GLRA3: variants seen among roughly 807,000 people sequenced by gnomAD.
GLRA3 encodes glycine receptor alpha 3.
Under a neutral mutation model 60.4 loss-of-function variants are expected in GLRA3, and 44 were observed. The observed-to-expected ratio is 0.73, with a 90% CI of 0.57 to 0.94. The LOEUF (loss-of-function observed/expected upper bound fraction) is 0.94, where lower values mean the gene tolerates loss of function less well. Among genes scored for constraint, GLRA3 ranks in the 40% least tolerant of loss-of-function variants. The probability of loss-of-function intolerance (pLI) is 0.00; values close to 1 mark genes in which losing one functional copy is unlikely to be tolerated. For missense variants in GLRA3, 508 were observed against 564.6 expected, an observed-to-expected ratio of 0.90 and a Z score of 1.02; for synonymous variants, 223 against 192.9, an observed-to-expected ratio of 1.16 and a Z score of -1.29.
At position 174,788,875 on chromosome 4, in the gene GLRA3, A is replaced by G. The variant is rs1325144807; in HGVS notation, c.140T>C (p.Leu47Pro). The G allele has an allele frequency of 6.2e-7, 1 of 1,609,372 alleles. No individual in the cohort carries two copies. The highest frequency in any genetic ancestry group is 2.2e-5 in the East Asian group (1 of 44,712). Residue 47 changes from leucine (L) to proline (P), a missense_variant, in exon 2 of 10, where the codon CTG (leucine) becomes CCG (proline). By Grantham distance (98) the Leu-to-Pro change is moderately conservative. This residue lies in a region of GLRA3 where 329 missense variants were observed against 349.3 expected (regional missense o/e 0.94). Coordinates refer to ENST00000274093, the MANE Select transcript of GLRA3 (RefSeq NM_006529.4). The stretch of plus-strand genomic sequence containing the variant: ...TGATGTCCTGCCCATTAATTTATCC[A>G]GAAAATCAGAAGGTGACATTGGAGC... ...RSAPMSPSDF[L>P]DKLMGRTSGY...
chr4:174,734,138 G>C (rs949202132), intron 3 of GLRA3, among the ~76,000 whole-genome samples: 2 of 152,012 alleles, frequency 1.3e-5, no homozygotes, highest in Non-Finnish European at 2.9e-5. Flanking sequence ...CCTAATCAGA[G>C]ATCTTGGCAA....
At chr4:174,814,160 TA>T (rs1470038175) in intron 1 of GLRA3, among the ~76,000 whole-genome samples, 6 of 152,186 alleles carry the variant, frequency 3.9e-5, no homozygotes, top group Non-Finnish European at 2.9e-5. Flanking sequence ...AACAGCTCAA[TA>T]GGGGGTCAGG....
rs187474618 is a variant in GLRA3 at position 174,693,797 on chromosome 4, C to G, written c.575-10858G>C. Among the ~76,000 whole-genome samples the G allele has an allele frequency of 4.6e-5, 7 of 152,114 alleles. No individual in the cohort carries two copies. In the East Asian group the frequency reaches 1.2e-3, roughly 25 times the overall value. ...CACTTAAAAGGCACAGAGTGGCAAG[C>G]TGGATTTAAAAAAAAGACCTAATAG... On this transcript the variant is annotated intron_variant, in intron 5 of 9. Transcript: ENST00000274093.
At chr4:174,747,567 C>T (rs188840102) in intron 3 of GLRA3, among the ~76,000 whole-genome samples, 166 of 152,208 alleles carry the variant, frequency 1.1e-3, no homozygotes, top group South Asian at 4.2e-3. Flanking sequence ...GATTCTGTGA[C>T]GGTTCCTGTC....
intron 9 of GLRA3, among the ~76,000 whole-genome samples, chr4:174,644,543 C>G (rs1030167722): frequency 6.6e-6 from 1 of 151,998 alleles, no homozygotes; most frequent in African/African-American, 2.4e-5. Flanking sequence ...GTCAATTCCT[C>G]AGAAAATACA....
intron 7 of GLRA3, among the ~76,000 whole-genome samples, chr4:174,667,906 C>G (rs1372005106): frequency 2.6e-5 from 4 of 152,088 alleles, no homozygotes; most frequent in Admixed American, 1.3e-4. Flanking sequence ...TCTGTGCCCC[C>G]ACCCAAAACT....
intron 2 of GLRA3, among the ~76,000 whole-genome samples, chr4:174,778,638 G>A (rs1561112388): frequency 6.6e-6 from 1 of 152,274 alleles, no homozygotes; most frequent in Non-Finnish European, 1.5e-5. Flanking sequence ...GCGAGCCGAA[G>A]CAGGGCGAGG....
intron 4 of GLRA3, among the ~76,000 whole-genome samples, chr4:174,718,577 A>G (rs887188046): frequency 6.6e-6 from 1 of 152,222 alleles, no homozygotes; most frequent in African/African-American, 2.4e-5. Context: ...CCACTAGTTG[A>G]ATTAAAAAAT....
intron 3 of GLRA3, among the ~76,000 whole-genome samples, chr4:174,755,510 T>C (rs549244067): frequency 1.4e-4 from 21 of 152,104 alleles, no homozygotes; most frequent in South Asian, 6.2e-4. Flanking sequence ...CACAGGAAAA[T>C]ATCATCATAG....
chr4:174,782,041 T>C (rs1422289887), intron 2 of GLRA3, among the ~76,000 whole-genome samples: 11 of 148,394 alleles, frequency 7.4e-5, no homozygotes, highest in Non-Finnish European at 1.6e-4. Context: ...CCAATATCCT[T>C]GATGAACATT....
At chr4:174,658,182 A>G (rs2110885663) in intron 8 of GLRA3, among the ~76,000 whole-genome samples, 1 of 152,310 alleles carries the variant, frequency 6.6e-6, no homozygotes, top group Middle Eastern at 3.4e-3. Flanking sequence ...ATGCCAGGAT[A>G]TTGGATCCTT....
At chr4:174,812,189 C>T (rs1336100217) in intron 1 of GLRA3, among the ~76,000 whole-genome samples, 2 of 152,066 alleles carry the variant, frequency 1.3e-5, no homozygotes, top group Non-Finnish European at 2.9e-5. Flanking sequence ...AGCAATAGTA[C>T]TAATGAAATG....
At chr4:174,812,944 A>G (rs974629383) in intron 1 of GLRA3, among the ~76,000 whole-genome samples, 10 of 152,172 alleles carry the variant, frequency 6.6e-5, no homozygotes, top group Non-Finnish European at 1.3e-4. Flanking sequence ...AAATTATAGA[A>G]GTTATTTCCT....
chr4:174,763,322 A>G (rs553568641), intron 3 of GLRA3, among the ~76,000 whole-genome samples: 5 of 152,272 alleles, frequency 3.3e-5, no homozygotes, highest in African/African-American at 1.2e-4. Context: ...CCTTCCACCA[A>G]GATTAGTTTT....
intron 5 of GLRA3, among the ~76,000 whole-genome samples, chr4:174,694,599 C>T (rs1367618289): frequency 6.6e-6 from 1 of 152,094 alleles, no homozygotes; most frequent in African/African-American, 2.4e-5. Flanking sequence ...TTAAGAAGGA[C>T]ATTGATAGCA....
intron 5 of GLRA3, among the ~76,000 whole-genome samples, chr4:174,703,113 T>G (rs1056929907): frequency 2.0e-5 from 3 of 152,210 alleles, no homozygotes; most frequent in Admixed American, 2.0e-4. Context: ...AAGTGGGCTA[T>G]GTTGTGAAGA....
rs1284455708 is a variant in GLRA3, at chr4:174,766,951, T to TA, written c.267+11dup. The stretch of plus-strand genomic sequence containing the variant: ...CTCTAGTGTGAAACTTGTTGCAAAG[T>TA]AAAATGCCTACCATGGTCGTCTCTG... On this transcript the variant is annotated intron_variant, in intron 3 of 9. Coordinates refer to ENST00000274093, the MANE Select transcript of GLRA3 (RefSeq NM_006529.4). The TA allele has an allele frequency of 1.3e-6, 2 of 1,484,894 alleles. No individual in the cohort carries two copies. The highest frequency in any genetic ancestry group is 1.4e-5 in the African/African-American group (1 of 72,736). The allele number at this position is 1,484,894 out of a possible 1,614,324, so 92.0% of individuals were successfully genotyped here. A position where few individuals can be genotyped will look rare whatever the true frequency, so the allele number is the denominator to read the frequency against.
chr4:174,726,378 A>C (rs1325293269), intron 4 of GLRA3, among the ~76,000 whole-genome samples: 1 of 152,144 alleles, frequency 6.6e-6, no homozygotes, highest in African/African-American at 2.4e-5. Flanking sequence ...TAAGACTGGA[A>C]GTCTGGGCTC....
Position 174,731,655 on chromosome 4 carries a change from T to G in GLRA3, c.268-2957A>C, listed in dbSNP as rs1736551902. Among the ~76,000 whole-genome samples the G allele has an allele frequency of 2.0e-5, 3 of 152,264 alleles. No homozygotes were observed. In the South Asian group the frequency reaches 6.2e-4, roughly 32 times the overall value. ...GATCATAAAATAAAGGTTAATAAAT[T>G]CTACGATGTCAGAATTAAGAAATTC... On this transcript the variant is annotated intron_variant, in intron 3 of 9. Transcript: ENST00000274093.
Sources: gnomAD v4.1 joint callset for allele counts (sites outside exome capture counted in the v4.1 genomes callset) on GRCh38, gnomAD v4.1.1 for gene constraint, gnomAD v4.1.1 regional missense constraint, MANE v1.5 for transcripts, NCBI Gene and HGNC (gene_info 2026-07-23, HGNC 2026-07-21) for gene names.